TCP11: variants seen among roughly 807,000 people sequenced by gnomAD.
The protein encoded by TCP11 is T-complex protein 11 homolog.
In TCP11, 34 loss-of-function variants were observed where a neutral mutation model predicts 45.0. The observed-to-expected ratio is 0.76, with a 90% CI of 0.57 to 1.01. The LOEUF (loss-of-function observed/expected upper bound fraction) is 1.01. Ranked by LOEUF, TCP11 falls within the 50% of genes least tolerant of loss-of-function variation. The probability of loss-of-function intolerance (pLI) is 0.00; values close to 1 mark genes in which losing one functional copy is unlikely to be tolerated. For missense variants in TCP11, 523 were observed against 598.1 expected (o/e 0.87, Z 1.31); for synonymous variants, 227 against 227.0 (o/e 1.00, Z 0.00).
chr6:35,134,149 C>A (rs1458209938), intron 3 of TCP11, among the ~76,000 whole-genome samples: 1 of 152,142 alleles, frequency 6.6e-6, no homozygotes, highest in Non-Finnish European at 1.5e-5. Flanking sequence ...CTTCCTGATA[C>A]AGTCATCCCT....
At chr6:35,136,000 T>C in intron 3 of TCP11, 107 bp downstream of exon 3, 1 of 707,106 alleles carries the variant, frequency 1.4e-6, no homozygotes. Flanking sequence ...CAAGTTTAAA[T>C]ACTCATTGTA....
In TCP11 at chr6:35,140,349, T is replaced by C; in HGVS notation, c.124+398A>G. Reference sequence around the variant, plus strand: ...CCCACTACAGAACCGAGCTAGAGACTGGGCCCAGGACACTACTATTTCTTG... The same window carrying C: ...CCCACTACAGAACCGAGCTAGAGACCGGGCCCAGGACACTACTATTTCTTG... On this transcript the variant is annotated intron_variant, in intron 2 of 9. Transcript: ENST00000311875. 4 of 671,594 alleles carry C rather than the reference T, an allele frequency of 6.0e-6. No homozygotes were observed. The East Asian group carries it at 1.5e-4, about 25-fold the overall frequency. 41.6% of individuals were successfully genotyped at this position (671,594 alleles called of 1,614,324 possible). A position where few individuals can be genotyped will look rare whatever the true frequency, so the allele number is the denominator to read the frequency against.
rs997157057 is a variant in TCP11, at chr6:35,119,268, C to A, written c.1239G>T (p.Gln413His). ...CACAGTTCTCCTTCTTGGCAATGTT[C>A]TGGAGCTGTCCCATTAGAGATGCTG... ...DNTASLMGQLQNIAKKENCVC... is the reference protein window; with the variant it reads ...DNTASLMGQLHNIAKKENCVC... The change falls in exon 9 of 10, where the codon CAG becomes CAT. Residue 413 changes from glutamine to histidine, a missense_variant. Coordinates refer to ENST00000311875, the MANE Select transcript of TCP11 (RefSeq NM_001370687.1). 1 of 1,614,232 alleles carries A rather than the reference C, an allele frequency of 6.2e-7. No individual in the cohort carries two copies. Among genetic ancestry groups the A allele is most frequent in the Non-Finnish European group, 8.5e-7 (1 of 1,180,036 alleles).
intron 5 of TCP11, 45 bp downstream of exon 5, chr6:35,122,072 T>C: frequency 6.2e-7 from 1 of 1,600,466 alleles, no homozygotes; most frequent in Non-Finnish European, 8.6e-7. Context: ...TTTTCCGGGC[T>C]CAGGGGCTAA....
At chr6:35,121,083 C>T in intron 5 of TCP11, 38 bp from the exon 6 acceptor site, 1 of 1,558,606 alleles carries the variant, frequency 6.4e-7, no homozygotes, top group Non-Finnish European at 8.7e-7. Context: ...TACTACTAAG[C>T]TAGAAACCCA....
chr6:35,129,565 T>C (rs1246812009), intron 3 of TCP11, among the ~76,000 whole-genome samples: 1 of 152,198 alleles, frequency 6.6e-6, no homozygotes, highest in Non-Finnish European at 1.5e-5. Flanking sequence ...ACTCCTGAAA[T>C]CTAGGAAAGG....
chr6:35,136,246 C>T (rs774738031), intron 2 of TCP11, 28 bp from the exon 3 acceptor site: 34 of 1,553,180 alleles, frequency 2.2e-5, no homozygotes, highest in Non-Finnish European at 2.8e-5. Context: ...TGAGCCCATG[C>T]AAGTCTGAAT....
rs915092483 is a variant in TCP11 at position 35,139,965 on chromosome 6, T to A, written c.124+782A>T. 3.2e-6 allele frequency: 5 copies of A among 1,573,670 alleles called. No individual in the cohort carries two copies. The Admixed American group carries it at 8.5e-5, about 27-fold the overall frequency. On this transcript the variant is annotated intron_variant, in intron 2 of 9. Coordinates refer to ENST00000311875, the MANE Select transcript of TCP11 (RefSeq NM_001370687.1). ...TGTTTTATATATGGACTCATTTAAA[T>A]AGACACCTCAAAAACTTAAATTGTG... is the stretch of plus-strand genomic sequence containing the variant.
In TCP11 at chr6:35,136,589, T is replaced by C. The variant is rs369600291; in HGVS notation, c.125-371A>G. On this transcript the variant is annotated intron_variant, in intron 2 of 9. Coordinates refer to ENST00000311875, the MANE Select transcript of TCP11 (RefSeq NM_001370687.1). ...TTAAGGTTCCACGTTCCTTTTCCTG[T>C]CTCTGATGCTATACATGATGAAAGC... is the stretch of plus-strand genomic sequence containing the variant. 1.1e-3 allele frequency among the ~76,000 whole-genome samples: 99 copies of C among 88,004 alleles called. 2 individuals carry two copies. The highest frequency in any genetic ancestry group is 8.1e-3 in the Middle Eastern group (2 of 248). The allele number at this position is 88,004 out of a possible 152,430, so 57.7% of individuals were successfully genotyped here. A position where few individuals can be genotyped will look rare whatever the true frequency, so the allele number is the denominator to read the frequency against.
At position 35,122,130 on chromosome 6, in the gene TCP11, C is replaced by T. The variant is rs1168665163; in HGVS notation, c.565G>A (p.Val189Ile). 1.2e-6 allele frequency: 2 copies of T among 1,614,180 alleles called. No homozygotes were observed. Among genetic ancestry groups the T allele is most frequent in the Non-Finnish European group, 1.7e-6 (2 of 1,180,028 alleles). Residue 189 changes from valine to isoleucine, a missense_variant, in exon 5 of 10, where the codon GTT becomes ATT. Coordinates refer to ENST00000311875, the MANE Select transcript of TCP11 (RefSeq NM_001370687.1). ...VQKLENITDP[V>I]WLLRGIFQVL... ...CAAGTTTCATACCTCAGTAGCCAAA[C>T]AGGATCCGTAATGTTTTCTAGTTTC...
chr6:35,127,059 A>T (rs76811926), intron 4 of TCP11, among the ~76,000 whole-genome samples: 6,929 of 152,214 alleles, frequency 0.046, 335 homozygotes, highest in African/African-American at 0.13. Flanking sequence ...CACACCTGAT[A>T]ACCCACTTGC....
intron 4 of TCP11, among the ~76,000 whole-genome samples, chr6:35,127,648 T>G (rs1479700260): frequency 6.6e-6 from 1 of 152,266 alleles, no homozygotes; most frequent in Non-Finnish European, 1.5e-5. Context: ...TATATACAAG[T>G]TGTTAGAAGT....
intron 2 of TCP11, chr6:35,137,948 G>A: frequency 2.7e-6 from 1 of 375,004 alleles, no homozygotes. Context: ...ATGTAAAAAG[G>A]AAAAATAAGG....
rs909265918 is a variant in TCP11 at position 35,141,065 on chromosome 6, G to T, written c.-15+140C>A. 7.4e-6 allele frequency: 9 copies of T among 1,214,976 alleles called. No homozygotes were observed. In the Admixed American group the frequency reaches 2.4e-4, roughly 32 times the overall value. 75.3% of individuals were successfully genotyped at this position (1,214,976 alleles called of 1,614,324 possible). A position where few individuals can be genotyped will look rare whatever the true frequency, so the allele number is the denominator to read the frequency against. On this transcript the variant is annotated intron_variant, in intron 1 of 9. Coordinates refer to ENST00000311875, the MANE Select transcript of TCP11 (RefSeq NM_001370687.1). ...GTCGAGAGTGGGACAGAAGTGGAGC[G>T]CTGGGCGGCAACGAGGAAACTAAAG...
At chr6:35,119,515 C>A in intron 8 of TCP11, 124 bp from the exon 9 acceptor site, 1 of 1,221,296 alleles carries the variant, frequency 8.2e-7, no homozygotes, top group East Asian at 2.4e-5. Flanking sequence ...CCTCTCCACC[C>A]CTAAACCCCA....
In TCP11 at chr6:35,126,771, G is replaced by A. The variant is rs138508818; in HGVS notation, c.357+2291C>T. Among the ~76,000 whole-genome samples the A allele has an allele frequency of 1.9e-3, 285 of 147,650 alleles. 2 individuals are homozygous for A. The highest frequency in any genetic ancestry group is 6.7e-3 in the African/African-American group (267 of 39,790). ...CCTCTCAGGCTCCAGCAATCCTTCC[G>A]TGTCAGTCTCCTGAGTAGCTGGGAA... On this transcript the variant is annotated intron_variant, in intron 4 of 9. Transcript: ENST00000311875.
In TCP11 at chr6:35,118,497, C is replaced by A; in HGVS notation, c.1284G>T (p.Gln428His). Residue 428 changes from glutamine to histidine, a missense_variant, in exon 10 of 10, where the codon CAG (glutamine) becomes CAT (histidine). Coordinates refer to ENST00000311875, the MANE Select transcript of TCP11 (RefSeq NM_001370687.1). ...AGCATTTGAGAAACAAATGGATCCG[C>A]TGATCTGTGAGCAGGAAAAGACACT... ...KENCVCSVID[Q>H]RIHLFLKCCL... The A allele has an allele frequency of 6.2e-7, 1 of 1,613,456 alleles. No homozygotes were observed. The highest frequency in any genetic ancestry group is 8.5e-7 in the Non-Finnish European group (1 of 1,179,710).
At chr6:35,140,332 A>G in intron 2 of TCP11, 1 of 814,964 alleles carries the variant, frequency 1.2e-6, no homozygotes, top group Non-Finnish European at 1.9e-6. Context: ...CACCCACTAC[A>G]GAACCGAGCT....
At position 35,136,130 on chromosome 6, in the gene TCP11, T is replaced by C; in HGVS notation, c.213A>G (p.Glu71=). 1 of 1,613,730 alleles carries C rather than the reference T, an allele frequency of 6.2e-7. No homozygotes were observed. Among genetic ancestry groups the C allele is most frequent in the Non-Finnish European group, 8.5e-7 (1 of 1,179,788 alleles). Residue 71 remains glutamate, a synonymous_variant, in exon 3 of 10, where the codon GAA becomes GAG. Coordinates refer to ENST00000311875, the MANE Select transcript of TCP11 (RefSeq NM_001370687.1). ...ACCTGCTTGGAGGTAAAACCTTCTCTTCCATGTAGTAATCACAATTCATCC... is the reference window on the plus strand; with the variant it reads ...ACCTGCTTGGAGGTAAAACCTTCTCCTCCATGTAGTAATCACAATTCATCC... ...KIGMNCDYYM[E]EKVLPPSSLE...
Sources: allele counts gnomAD v4.1 joint callset (sites outside exome capture counted in the v4.1 genomes callset), GRCh38; gene constraint gnomAD v4.1.1; transcripts MANE v1.5; gene names NCBI Gene and HGNC (gene_info 2026-07-23, HGNC 2026-07-21).